The following CECR2 variants were observed in gnomAD, a reference collection of about 807,000 sequenced individuals.
CECR2 encodes the protein chromatin remodeling regulator CECR2.
In CECR2, 30 loss-of-function variants were observed where a neutral mutation model predicts 154.5. The observed-to-expected ratio is 0.19, with a 90% CI of 0.15 to 0.26. The LOEUF (loss-of-function observed/expected upper bound fraction) is 0.26, where lower values mean the gene tolerates loss of function less well. Among genes scored for constraint, CECR2 ranks in the 10% least tolerant of loss-of-function variants. The pLI is 1.00. For synonymous variants in CECR2, 725 were observed against 683.7 expected, an observed-to-expected ratio of 1.06 and a Z score of -0.94; for missense variants, 1,743 against 1,829.3, an observed-to-expected ratio of 0.95 and a Z score of 0.86.
intron 2 of CECR2, among the ~76,000 whole-genome samples, chr22:17,479,660 A>G (rs1003190370): frequency 6.6e-6 from 1 of 151,558 alleles, no homozygotes; most frequent in African/African-American, 2.4e-5. Context: ...TTACAAAGTT[A>G]TGTCCTGTTC....
chr22:17,525,444 C>A (rs1164354035), intron 9 of CECR2, among the ~76,000 whole-genome samples: 2 of 151,526 alleles, frequency 1.3e-5, no homozygotes, highest in African/African-American at 4.9e-5. Context: ...GAGTTTGAGA[C>A]AGCCTGGCCA....
At chr22:17,446,391 G>A (rs1271212177) in intron 1 of CECR2, among the ~76,000 whole-genome samples, 4 of 152,116 alleles carry the variant, frequency 2.6e-5, no homozygotes, top group East Asian at 1.9e-4. Context: ...ACGAAGCCAC[G>A]GAACTTAGCG....
intron 1 of CECR2, among the ~76,000 whole-genome samples, chr22:17,375,608 A>G (rs1181393147): frequency 6.6e-6 from 1 of 151,844 alleles, no homozygotes; most frequent in Non-Finnish European, 1.5e-5. Flanking sequence ...GTTGCTGTTT[A>G]AAACAGGGTG....
chr22:17,411,299 C>G (rs2054065384), intron 1 of CECR2, among the ~76,000 whole-genome samples: 1 of 152,288 alleles, frequency 6.6e-6, no homozygotes, highest in African/African-American at 2.4e-5. Flanking sequence ...ATTACTTGTA[C>G]AATGGGTATG....
chr22:17,545,470 C>T (rs2056599188), intron 16 of CECR2, among the ~76,000 whole-genome samples: 2 of 149,728 alleles, frequency 1.3e-5, no homozygotes, highest in African/African-American at 2.5e-5. Flanking sequence ...CCAATTAATG[C>T]TTATTTCTAG....
intron 9 of CECR2, 116 bp downstream of exon 9, chr22:17,524,387 C>CCTTT: frequency 1.0e-5 from 4 of 391,190 alleles, no homozygotes; most frequent in Non-Finnish European, 7.8e-6. Context: ...CCGGCAATTT[C>CCTTT]TTTTTTTTTT....
chr22:17,548,084 C>T, intron 16 of CECR2, 64 bp from the exon 17 acceptor site: 2 of 1,378,976 alleles, frequency 1.5e-6, no homozygotes, highest in Non-Finnish European at 1.9e-6. Flanking sequence ...GCATGTTCTT[C>T]ACATTAATAC....
At chr22:17,538,474 G>T in intron 10 of CECR2, 46 bp from the exon 11 acceptor site, 1 of 1,555,814 alleles carries the variant, frequency 6.4e-7, no homozygotes, top group Non-Finnish European at 8.9e-7. Flanking sequence ...GCTCAGGAGA[G>T]AAGGTGGTCA....
At chr22:17,505,225 G>T (rs1301908725) in intron 7 of CECR2, among the ~76,000 whole-genome samples, 1 of 151,878 alleles carries the variant, frequency 6.6e-6, no homozygotes, top group Non-Finnish European at 1.5e-5. Context: ...CCCCCAGAAA[G>T]TCCTCAGTGT....
intron 7 of CECR2, among the ~76,000 whole-genome samples, chr22:17,511,248 T>C (rs966240598): frequency 1.3e-5 from 2 of 152,236 alleles, no homozygotes; most frequent in Non-Finnish European, 2.9e-5. Context: ...TAGTTCTCCA[T>C]GCTCTTTCTT....
At chr22:17,386,897 CG>C (rs2063269559) in intron 1 of CECR2, among the ~76,000 whole-genome samples, 1 of 152,098 alleles carries the variant, frequency 6.6e-6, no homozygotes, top group Non-Finnish European at 1.5e-5. Flanking sequence ...GTGATCCACC[CG>C]CCTCAGCCTC....
At chr22:17,366,442 C>T (rs984195499), upstream of CECR2, among the ~76,000 whole-genome samples, 1 of 152,154 alleles carries the variant, frequency 6.6e-6, no homozygotes, top group Non-Finnish European at 1.5e-5. Flanking sequence ...CTGCCTGGGC[C>T]TCCCAAAGTG....
chr22:17,389,417 A>T (rs1167527847), intron 1 of CECR2, among the ~76,000 whole-genome samples: 1 of 152,192 alleles, frequency 6.6e-6, no homozygotes, highest in Non-Finnish European at 1.5e-5. Flanking sequence ...CACTGAGAAT[A>T]AGTTGAAGAC....
chr22:17,481,794 A>G (rs956023872), intron 2 of CECR2, among the ~76,000 whole-genome samples: 1 of 152,158 alleles, frequency 6.6e-6, no homozygotes, highest in African/African-American at 2.4e-5. Flanking sequence ...GTGTAAACAA[A>G]CCTAGTGCGC....
At chr22:17,459,458 A>G (rs1164528304) in intron 1 of CECR2, among the ~76,000 whole-genome samples, 2 of 151,906 alleles carry the variant, frequency 1.3e-5, no homozygotes, top group African/African-American at 2.4e-5. Flanking sequence ...CGCCCAGCCA[A>G]TTTTTTGTGT....
chr22:17,489,738 G>A (rs988169810), intron 2 of CECR2, among the ~76,000 whole-genome samples: 4 of 152,166 alleles, frequency 2.6e-5, no homozygotes, highest in East Asian at 1.9e-4. Flanking sequence ...AATTACAGGC[G>A]TGAGCAGCCA....
At chr22:17,467,521 C>T (rs975401454) in intron 1 of CECR2, among the ~76,000 whole-genome samples, 2 of 152,116 alleles carry the variant, frequency 1.3e-5, no homozygotes, top group Non-Finnish European at 2.9e-5. Flanking sequence ...CGGTGGCTCA[C>T]ACCTGTAATC....
rs976872299 is a variant in CECR2 at position 17,507,323 on chromosome 22, G to C, written c.870+2307G>C. ...TCCGTTTCACCATCGGTGTACTTAA[G>C]TTCATGTACGATAATTGCATTCTGT... On this transcript the variant is annotated intron_variant, in intron 7 of 18. Coordinates refer to ENST00000262608, the MANE Select transcript of CECR2 (RefSeq NM_001290047.2). Among the ~76,000 whole-genome samples the C allele has an allele frequency of 3.9e-5, 6 of 152,162 alleles. No individual in the cohort carries two copies. In the South Asian group the frequency reaches 6.2e-4, roughly 16 times the overall value.
chr22:17,497,682 T>G, intron 3 of CECR2, 96 bp downstream of exon 3: 1 of 1,274,190 alleles, frequency 7.8e-7, no homozygotes, highest in Non-Finnish European at 1.1e-6. Context: ...AAGCCAGAGT[T>G]TGGCTTGTGG....
Sources: gnomAD v4.1 joint callset for allele counts (sites outside exome capture counted in the v4.1 genomes callset) on GRCh38, gnomAD v4.1.1 for gene constraint, MANE v1.5 for transcripts, NCBI Gene and HGNC (gene_info 2026-07-23, HGNC 2026-07-21) for gene names.